Variants in GRM1 observed in about 807,000 individuals in gnomAD.
GRM1 encodes the protein glutamate metabotropic receptor 1.
GRM1 carries 33 observed loss-of-function variants against 90.9 expected under a neutral mutation model. That is an observed-to-expected ratio of 0.36 (90% CI 0.28 to 0.49). GRM1 has a LOEUF of 0.49. Among genes scored for constraint, GRM1 ranks in the 20% least tolerant of loss-of-function variants. GRM1 has a pLI of 0.99. For missense variants in GRM1, 1,190 were observed against 1,534.3 expected (o/e 0.78, Z 3.75); for synonymous variants, 700 against 613.2 (o/e 1.14, Z -2.09).
chr6:146,271,379 G>C (rs1782158094), intron 2 of GRM1, among the ~76,000 whole-genome samples: 1 of 152,050 alleles, frequency 6.6e-6, no homozygotes, highest in South Asian at 2.1e-4. Context: ...CCAGAGCCTA[G>C]AACCAGACTG....
At chr6:146,057,120 A>G (rs1009560218) in intron 1 of GRM1, among the ~76,000 whole-genome samples, 5 of 152,200 alleles carry the variant, frequency 3.3e-5, no homozygotes, top group African/African-American at 1.2e-4. Flanking sequence ...TTTGATACAC[A>G]GAGCCTAAGT....
At position 146,111,851 on chromosome 6, in the gene GRM1, G is replaced by T. The variant is rs1041517576; in HGVS notation, c.701-47497G>T. ...GTGTTGAATGGATTAACACAGAAAA[G>T]CTCGTGATACAATGCTTGATAGTTA... is the stretch of plus-strand genomic sequence containing the variant. On this transcript the variant is annotated intron_variant, in intron 1 of 7. Coordinates refer to ENST00000282753, the MANE Select transcript of GRM1 (RefSeq NM_001278064.2). Among the ~76,000 whole-genome samples the T allele has an allele frequency of 2.0e-5, 3 of 152,164 alleles. No homozygotes were observed. In the East Asian group the frequency reaches 5.8e-4, roughly 29 times the overall value.
At chr6:146,396,069 C>CATCTATCTATCTATCT (rs3065122) in intron 6 of GRM1, among the ~76,000 whole-genome samples, 1,636 of 136,200 alleles carry the variant, frequency 0.012, 15 homozygotes, top group Non-Finnish European at 0.015. Flanking sequence ...ACCTATCCAT[C>CATCTATCTATCTATCT]ATCTATCTAT....
chr6:146,148,684 A>T (rs1037838384), intron 1 of GRM1, among the ~76,000 whole-genome samples: 6 of 152,220 alleles, frequency 3.9e-5, no homozygotes, highest in African/African-American at 1.2e-4. Context: ...CATACTTCAT[A>T]GTATTGATAT....
At chr6:146,051,051 A>C (rs569857161) in intron 1 of GRM1, among the ~76,000 whole-genome samples, 1 of 152,070 alleles carries the variant, frequency 6.6e-6, no homozygotes, top group South Asian at 2.1e-4. Context: ...GCAGACACAT[A>C]ATAAAAAGTC....
At chr6:146,293,001 A>T (rs535282984) in intron 2 of GRM1, among the ~76,000 whole-genome samples, 2 of 152,150 alleles carry the variant, frequency 1.3e-5, no homozygotes, top group South Asian at 4.1e-4. Context: ...CATGCTAAAT[A>T]AAAGAAGCTG....
chr6:146,218,350 C>G (rs1259635288), intron 2 of GRM1, among the ~76,000 whole-genome samples: 1 of 152,158 alleles, frequency 6.6e-6, no homozygotes, highest in Non-Finnish European at 1.5e-5. Flanking sequence ...GACATGAACT[C>G]TTTTTATGTG....
At chr6:146,086,932 T>C (rs1776565555) in intron 1 of GRM1, among the ~76,000 whole-genome samples, 1 of 152,144 alleles carries the variant, frequency 6.6e-6, no homozygotes, top group Non-Finnish European at 1.5e-5. Flanking sequence ...TAATCTATTA[T>C]GATGGCAATA....
chr6:146,054,027 C>T (rs1047815795), intron 1 of GRM1, among the ~76,000 whole-genome samples: 2 of 151,964 alleles, frequency 1.3e-5, no homozygotes, highest in African/African-American at 4.8e-5. Flanking sequence ...CAGTTATTGA[C>T]TATGAGAGAT....
chr6:146,388,489 T>A (rs553199766), intron 6 of GRM1, among the ~76,000 whole-genome samples: 1 of 152,126 alleles, frequency 6.6e-6, no homozygotes, highest in Non-Finnish European at 1.5e-5. Context: ...ACTAAAATTA[T>A]ACTAAGTGAC....
intron 1 of GRM1, among the ~76,000 whole-genome samples, chr6:146,040,557 T>C (rs1299210876): frequency 6.6e-6 from 1 of 151,984 alleles, no homozygotes; most frequent in Non-Finnish European, 1.5e-5. Context: ...CAGTTGACAA[T>C]TTCTTTTCTT....
chr6:146,143,217 G>A (rs1314824061), intron 1 of GRM1, among the ~76,000 whole-genome samples: 1 of 152,140 alleles, frequency 6.6e-6, no homozygotes, highest in Non-Finnish European at 1.5e-5. Flanking sequence ...TTGAATTAAA[G>A]GAAACTTTTC....
At chr6:146,429,112 A>T (rs776473722) in intron 7 of GRM1, among the ~76,000 whole-genome samples, 4 of 152,184 alleles carry the variant, frequency 2.6e-5, no homozygotes, top group Admixed American at 6.5e-5. Flanking sequence ...CTGCATACTT[A>T]GACTTTGTGA....
chr6:146,397,814 T>C (rs1024897672), intron 6 of GRM1, among the ~76,000 whole-genome samples: 2 of 152,208 alleles, frequency 1.3e-5, no homozygotes, highest in South Asian at 2.1e-4. Flanking sequence ...AGGCAAGTTG[T>C]TGATTGACTG....
chr6:146,306,734 C>T (rs533339732), intron 3 of GRM1, among the ~76,000 whole-genome samples: 4 of 151,966 alleles, frequency 2.6e-5, no homozygotes, highest in Non-Finnish European at 4.4e-5. Context: ...GAATTGGGCC[C>T]GGTAGTGGGA....
At chr6:146,125,883 A>C (rs907709355) in intron 1 of GRM1, among the ~76,000 whole-genome samples, 7 of 152,120 alleles carry the variant, frequency 4.6e-5, no homozygotes, top group Non-Finnish European at 7.4e-5. Flanking sequence ...ATAAACTGAA[A>C]GTGAATTCAT....
chr6:146,046,350 T>A (rs1048860743), intron 1 of GRM1, among the ~76,000 whole-genome samples: 2 of 152,000 alleles, frequency 1.3e-5, no homozygotes, highest in Admixed American at 6.6e-5. Flanking sequence ...TAAAAGAGAG[T>A]ATCTAAGTCC....
At chr6:146,043,189 G>C (rs1220192265) in intron 1 of GRM1, among the ~76,000 whole-genome samples, 1 of 151,894 alleles carries the variant, frequency 6.6e-6, no homozygotes, top group African/African-American at 2.4e-5. Flanking sequence ...GCACCTGTAG[G>C]TGGAGGCTAA....
rs362924 is a variant in GRM1 at position 146,392,303 on chromosome 6, A to C, written c.1729+5287A>C. ...GTAGTCCAATCCACAGTTAAAGTCT[A>C]TCCATGTGTGAATAAGAACCTAGAG... On this transcript the variant is annotated intron_variant, in intron 6 of 7. Coordinates refer to ENST00000282753, the MANE Select transcript of GRM1 (RefSeq NM_001278064.2). 9.5e-3 allele frequency among the ~76,000 whole-genome samples: 1,446 copies of C among 152,206 alleles called. 22 individuals are homozygous for C. Among genetic ancestry groups the C allele is most frequent in the African/African-American group, 0.033 (1,376 of 41,528 alleles).
Sources: gnomAD v4.1 joint callset for allele counts (sites outside exome capture counted in the v4.1 genomes callset) on GRCh38, gnomAD v4.1.1 for gene constraint, MANE v1.5 for transcripts, NCBI Gene and HGNC (gene_info 2026-07-23, HGNC 2026-07-21) for gene names.